Variants in IGSF21 observed in about 807,000 individuals in gnomAD.
The protein encoded by IGSF21 is immunoglobulin superfamily member 21.
A neutral mutation model predicts 46.8 loss-of-function variants in IGSF21; 28 were observed. The ratio of observed to expected loss-of-function variants is 0.60; its 90% CI spans 0.44 to 0.82. The LOEUF (loss-of-function observed/expected upper bound fraction) is 0.82, where lower values mean the gene tolerates loss of function less well. Ranked by LOEUF, IGSF21 falls within the 40% of genes least tolerant of loss-of-function variation. The pLI is 0.00. For synonymous variants in IGSF21, 284 were observed against 273.6 expected (o/e 1.04, Z -0.38); for missense variants, 624 against 665.5 (o/e 0.94, Z 0.69).
At chr1:18,250,219 G>T (rs223198) in intron 2 of IGSF21, among the ~76,000 whole-genome samples, 1 of 150,736 alleles carries the variant, frequency 6.6e-6, no homozygotes, top group Non-Finnish European at 1.5e-5. Context: ...ATGTTCTGAC[G>T]ATGCTCTCAG....
chr1:18,267,043 G>T (rs1254891063), intron 2 of IGSF21, among the ~76,000 whole-genome samples: 1 of 152,198 alleles, frequency 6.6e-6, no homozygotes, highest in Non-Finnish European at 1.5e-5. Context: ...CTCAGTCTCT[G>T]CCCTTGGAGA....
chr1:18,119,211 T>G (rs1240248009), intron 1 of IGSF21, among the ~76,000 whole-genome samples: 2 of 152,222 alleles, frequency 1.3e-5, no homozygotes, highest in Non-Finnish European at 2.9e-5. Context: ...GGATGTTTCC[T>G]GGGGGTCAGG....
At chr1:18,284,364 A>G (rs2085192334) in intron 2 of IGSF21, among the ~76,000 whole-genome samples, 1 of 152,202 alleles carries the variant, frequency 6.6e-6, no homozygotes, top group African/African-American at 2.4e-5. Context: ...GCCGGTTCCC[A>G]TGCTAGGCTC....
At chr1:18,266,246 G>T (rs183723162) in intron 2 of IGSF21, among the ~76,000 whole-genome samples, 8 of 152,284 alleles carry the variant, frequency 5.3e-5, no homozygotes, top group Admixed American at 1.3e-4. Context: ...GGTCAGAGAG[G>T]CTAGGTAACT....
intron 1 of IGSF21, among the ~76,000 whole-genome samples, chr1:18,179,544 A>AT (rs1209224305): frequency 2.6e-4 from 40 of 152,048 alleles, no homozygotes; most frequent in African/African-American, 8.7e-4. Context: ...TATTTTATTC[A>AT]TTTTTTTCCC....
rs2085781607 is a variant in IGSF21, at chr1:18,337,478, GC to G, written c.424+2472del. Among the ~76,000 whole-genome samples the G allele has an allele frequency of 6.6e-6, 1 of 152,064 alleles. No individual in the cohort carries two copies. The highest frequency in any genetic ancestry group is 2.1e-4 in the South Asian group (1 of 4,812). On this transcript the variant is annotated intron_variant, in intron 4 of 9. Transcript: ENST00000251296. The surrounding 1 kb of genome is among the most constrained non-coding windows in gnomAD (Gnocchi z 5.7). ...GCACAACTGTGTCTGCCTCCCTCTT[GC>G]CCCTGGTTTTGGCCCCAGCAAAGAG...
intron 2 of IGSF21, among the ~76,000 whole-genome samples, chr1:18,287,423 A>AC (rs540432881): frequency 5.6e-4 from 85 of 152,110 alleles, no homozygotes; most frequent in African/African-American, 1.8e-3. Flanking sequence ...ACAAAACAAA[A>AC]AAAAAATCCA....
chr1:18,211,761 AT>A (rs1481304581), intron 1 of IGSF21, among the ~76,000 whole-genome samples: 2 of 152,230 alleles, frequency 1.3e-5, no homozygotes, highest in Non-Finnish European at 2.9e-5. Flanking sequence ...TTCTTTTAAA[AT>A]ATTCCTTAAT....
At chr1:18,353,871 G>A (rs1193681940) in intron 4 of IGSF21, among the ~76,000 whole-genome samples, 1 of 152,222 alleles carries the variant, frequency 6.6e-6, no homozygotes, top group Admixed American at 6.5e-5. Context: ...CAGCACTGCA[G>A]GGTCTTCTGG....
chr1:18,117,189 C>T (rs1400896763), intron 1 of IGSF21, among the ~76,000 whole-genome samples: 5 of 152,214 alleles, frequency 3.3e-5, no homozygotes, highest in African/African-American at 7.2e-5. Context: ...CCCAAAGAAA[C>T]GATGGACTCC....
rs141060555 is a variant in IGSF21 at position 18,340,906 on chromosome 1, TCTC to T, written c.424+5899_424+5901del. Reference sequence around the variant, plus strand: ...TGCCCCTGCTTCTGCTTCTTCTCCTTCTCCTTCTCCTTCTTTCTTCTTTCCTCC... The same window carrying T: ...TGCCCCTGCTTCTGCTTCTTCTCCTTCTTCTCCTTCTTTCTTCTTTCCTCC... On this transcript the variant is annotated intron_variant, in intron 4 of 9. Transcript: ENST00000251296. Among the ~76,000 whole-genome samples, 552 of 151,844 alleles carry T rather than the reference TCTC, an allele frequency of 3.6e-3. 3 individuals carry two copies. The highest frequency in any genetic ancestry group is 0.013 in the African/African-American group (533 of 41,436).
intron 1 of IGSF21, among the ~76,000 whole-genome samples, chr1:18,178,481 G>C (rs1318110752): frequency 6.6e-6 from 1 of 152,138 alleles, no homozygotes; most frequent in Non-Finnish European, 1.5e-5. Flanking sequence ...CTGTGAAGTG[G>C]GGATAATACT....
chr1:18,374,568 C>T (rs1187265965), intron 6 of IGSF21, among the ~76,000 whole-genome samples: 1 of 152,152 alleles, frequency 6.6e-6, no homozygotes, highest in Admixed American at 6.5e-5. Context: ...TAGAACCAGC[C>T]CTTCCCTTCC....
At chr1:18,286,956 C>T (rs919492332) in intron 2 of IGSF21, among the ~76,000 whole-genome samples, 19 of 152,072 alleles carry the variant, frequency 1.2e-4, no homozygotes, top group African/African-American at 3.6e-4. Flanking sequence ...CCGAGGCGGG[C>T]GGATCACGAG....
chr1:18,117,358 G>A (rs749609153), intron 1 of IGSF21, among the ~76,000 whole-genome samples: 14 of 152,234 alleles, frequency 9.2e-5, no homozygotes, highest in Non-Finnish European at 1.6e-4. Context: ...TGACCCAAGA[G>A]TGAAGGGAGG....
chr1:18,273,232 G>T (rs1222875635), intron 2 of IGSF21, among the ~76,000 whole-genome samples: 3 of 151,242 alleles, frequency 2.0e-5, no homozygotes, highest in African/African-American at 4.9e-5. Context: ...GTAGAGACGG[G>T]GTTTCACCAT....
At chr1:18,281,469 G>A (rs978612442) in intron 2 of IGSF21, among the ~76,000 whole-genome samples, 1 of 152,010 alleles carries the variant, frequency 6.6e-6, no homozygotes, top group Admixed American at 6.6e-5. Flanking sequence ...TGGAGGTTGA[G>A]GCAGGAGAAT....
At chr1:18,182,208 A>G (rs1570310814) in intron 1 of IGSF21, among the ~76,000 whole-genome samples, 1 of 119,668 alleles carries the variant, frequency 8.4e-6, no homozygotes, top group Admixed American at 1.1e-4. Context: ...ACAAGGTCTC[A>G]CTCTGTTGCA....
chr1:18,289,766 A>C (rs2085248865), intron 2 of IGSF21, among the ~76,000 whole-genome samples: 1 of 152,178 alleles, frequency 6.6e-6, no homozygotes, highest in African/African-American at 2.4e-5. Context: ...TCTCCTCCCC[A>C]GTTGTGACAA....
Sources: gnomAD v4.1 joint callset for allele counts (sites outside exome capture counted in the v4.1 genomes callset) on GRCh38, gnomAD v4.1.1 for gene constraint, Gnocchi (gnomAD v3.1) non-coding constraint, MANE v1.5 for transcripts, NCBI Gene and HGNC (gene_info 2026-07-23, HGNC 2026-07-21) for gene names.